The following SAMD4B variants were observed in gnomAD, a reference collection of about 807,000 sequenced individuals.
SAMD4B encodes the protein protein Smaug homolog 2.
A neutral mutation model predicts 74.5 loss-of-function variants in SAMD4B; 5 were observed. That is an observed-to-expected ratio of 0.07 (90% CI 0.04 to 0.14). SAMD4B has a LOEUF of 0.14. Ranked by LOEUF, SAMD4B falls within the 10% of genes least tolerant of loss-of-function variation. The pLI is 1.00. For missense variants in SAMD4B, 608 were observed against 921.8 expected, an observed-to-expected ratio of 0.66 and a Z score of 4.41; for synonymous variants, 373 against 374.9, an observed-to-expected ratio of 1.00 and a Z score of 0.06.
At chr19:39,358,647 C>T (rs918102751) in intron 3 of SAMD4B, among the ~76,000 whole-genome samples, 1 of 151,994 alleles carries the variant, frequency 6.6e-6, no homozygotes, top group Admixed American at 6.6e-5. Flanking sequence ...ATAATTATAT[C>T]TACCTTCTAG....
downstream of SAMD4B, chr19:39,385,726 T>C (rs1042541204): frequency 9.1e-6 from 5 of 549,562 alleles, no homozygotes; most frequent in African/African-American, 7.5e-5. Context: ...TGCTACATTT[T>C]GTGGGAAACC....
chr19:39,361,511 G>A (rs1600540847), intron 3 of SAMD4B, among the ~76,000 whole-genome samples: 1 of 152,000 alleles, frequency 6.6e-6, no homozygotes, highest in Non-Finnish European at 1.5e-5. Context: ...AGCTACTTGG[G>A]AGGCTGAGGC....
Position 39,383,443 on chromosome 19 carries a change from T to C in SAMD4B, c.2057-56T>C, listed in dbSNP as rs2078124503. 1 of 1,603,906 alleles carries C rather than the reference T, an allele frequency of 6.2e-7. No individual in the cohort carries two copies. Among genetic ancestry groups the C allele is most frequent in the Admixed American group, 1.7e-5 (1 of 60,008 alleles). ...GATGACAGGCTACCTGAGTGCCTTT[T>C]CTTGGGCCTCCCTCCAGCTCCTGAT... On this transcript the variant is annotated intron_variant, in intron 13 of 13. Transcript: ENST00000610417. This position sits in a 1 kb window ranked among gnomAD's most constrained non-coding sequence, Gnocchi z 4.1.
chr19:39,344,431 C>T (rs1416907889), intron 1 of SAMD4B, among the ~76,000 whole-genome samples: 1 of 152,142 alleles, frequency 6.6e-6, no homozygotes, highest in African/African-American at 2.4e-5. Flanking sequence ...GAAGACCACA[C>T]CTTCCTCAGA....
intron 4 of SAMD4B, among the ~76,000 whole-genome samples, chr19:39,371,394 T>C (rs543023404): frequency 4.6e-5 from 7 of 152,240 alleles, no homozygotes; most frequent in Admixed American, 1.3e-4. Flanking sequence ...CCTGGGAAGA[T>C]AGAGGGATAG....
chr19:39,389,988 G>T (rs1415670726), downstream of SAMD4B: 4 of 1,200,986 alleles, frequency 3.3e-6, no homozygotes, highest in Non-Finnish European at 1.2e-6. This position sits in a 1 kb window ranked among gnomAD's most constrained non-coding sequence, Gnocchi z 5.3. Flanking sequence ...TAGGCCCTGA[G>T]CAGACAGCAG....
At chr19:39,369,445 C>T (rs1052732883) in intron 3 of SAMD4B, 39 of 579,186 alleles carry the variant, frequency 6.7e-5, no homozygotes, top group Non-Finnish European at 1.2e-4. Context: ...GAGACCCCAT[C>T]TCTTAAAAAA....
Position 39,383,241 on chromosome 19 carries a change from A to G in SAMD4B, c.2006A>G (p.Asn669Ser), listed in dbSNP as rs548924269. The part of the protein sequence containing the change: ...CPVPGPDLEI[N>S]PTLESLCLSM... The stretch of plus-strand genomic sequence containing the variant: ...GTTCCTGGGCCTGACCTGGAGATCA[A>G]TCCCACTCTGGAGTCTCTGTGTCTG... The change falls in exon 13 of 14, where the codon AAT becomes AGT. Residue 669 changes from asparagine (N) to serine (S), a missense_variant. Physicochemically the swap from Asn to Ser is conservative, Grantham distance 46. This residue lies in a region of SAMD4B where 15 missense variants were observed against 40.5 expected (regional missense o/e 0.37). Coordinates refer to ENST00000610417, the MANE Select transcript of SAMD4B (RefSeq NM_001384574.2). The surrounding 1 kb of genome is among the most constrained non-coding windows in gnomAD (Gnocchi z 4.1). 26 of 1,613,808 alleles carry G rather than the reference A, an allele frequency of 1.6e-5. No homozygotes were observed. Among genetic ancestry groups the G allele is most frequent in the East Asian group, 2.2e-5 (1 of 44,854 alleles).
Position 39,380,749 on chromosome 19 carries a change from C to T in SAMD4B, c.1812C>T (p.Ala604=). ...TTGGGGGTGTCTCCCCTCGACATGC[C>T]CTCACCAGCCCCAGCCTTGGAGGCC... The part of the protein sequence containing the change: ...SGIGGVSPRH[A]LTSPSLGGQG... The change falls in exon 11 of 14, where the codon GCC becomes GCT. Residue 604 remains alanine (A), a synonymous_variant. Transcript: ENST00000610417. The T allele has an allele frequency of 6.3e-7, 1 of 1,582,854 alleles. No homozygotes were observed. The highest frequency in any genetic ancestry group is 8.6e-7 in the Non-Finnish European group (1 of 1,163,356).
intron 12 of SAMD4B, 63 bp downstream of exon 12, chr19:39,381,176 T>G: frequency 6.6e-7 from 1 of 1,520,306 alleles, no homozygotes; most frequent in Non-Finnish European, 8.8e-7. Flanking sequence ...TTCTTTTTTC[T>G]CCTGGGTCTC....
At chr19:39,368,895 A>AC (rs2077129238) in intron 3 of SAMD4B, among the ~76,000 whole-genome samples, 1 of 152,190 alleles carries the variant, frequency 6.6e-6, no homozygotes, top group Non-Finnish European at 1.5e-5. Context: ...GGGTGTCTAG[A>AC]CCATCTGATT....
rs965418510 is a variant in SAMD4B, at chr19:39,378,403, TGA to T, written c.1445-99_1445-98del. ...CTTAATAGTTGATATTCATCCAGCC[TGA>T]GTCTCCTGTTCCTTCTTGTGCACGA... On this transcript the variant is annotated intron_variant, in intron 8 of 13. Transcript: ENST00000610417. The surrounding 1 kb of genome is among the most constrained non-coding windows in gnomAD (Gnocchi z 4.4). 1,168 of 970,996 alleles carry T rather than the reference TGA, an allele frequency of 1.2e-3. 11 individuals carry two copies. In the African/African-American group the frequency reaches 0.016, roughly 13 times the overall value. The allele number at this position is 970,996 out of a possible 1,614,324, so 60.1% of individuals were successfully genotyped here.
At position 39,375,579 on chromosome 19, in the gene SAMD4B, A is replaced by G; in HGVS notation, c.668-71A>G. The G allele has an allele frequency of 6.4e-7, 1 of 1,552,728 alleles. No homozygotes were observed. ...GGGCCAAACTGCCATCCTGGCACTGACGGCAGGGGGATGGTCTCCTGTGGT... is the reference window on the plus strand; with the variant it reads ...GGGCCAAACTGCCATCCTGGCACTGGCGGCAGGGGGATGGTCTCCTGTGGT... On this transcript the variant is annotated intron_variant, in intron 4 of 13. Coordinates refer to ENST00000610417, the MANE Select transcript of SAMD4B (RefSeq NM_001384574.2). The surrounding 1 kb of genome is among the most constrained non-coding windows in gnomAD (Gnocchi z 4.1).
In SAMD4B at chr19:39,356,769, C is replaced by CGCCCAGA; in HGVS notation, c.-124_-118dup. 1 of 763,296 alleles carries CGCCCAGA rather than the reference C, an allele frequency of 1.3e-6. No homozygotes were observed. Among genetic ancestry groups the CGCCCAGA allele is most frequent in the Non-Finnish European group, 2.1e-6 (1 of 487,548 alleles). 47.3% of individuals were successfully genotyped at this position (763,296 alleles called of 1,614,324 possible). On this transcript the variant is annotated 5_prime_UTR_variant, in exon 3 of 14. Transcript: ENST00000610417. Reference sequence around the variant, plus strand: ...CCTCCCCCAACAACCGTTGCCACCACGCCCAGAAACGTCCTTAAGCCCTGG... The same window carrying CGCCCAGA: ...CCTCCCCCAACAACCGTTGCCACCACGCCCAGAGCCCAGAAACGTCCTTAAGCCCTGG...
chr19:39,355,443 G>T (rs572080532), intron 2 of SAMD4B, among the ~76,000 whole-genome samples: 2 of 152,318 alleles, frequency 1.3e-5, no homozygotes, highest in South Asian at 4.1e-4. Flanking sequence ...CAAGCGCACG[G>T]AAGTTCAGAG....
At chr19:39,372,373 C>T (rs2077359406) in intron 4 of SAMD4B, among the ~76,000 whole-genome samples, 2 of 152,166 alleles carry the variant, frequency 1.3e-5, no homozygotes, top group South Asian at 2.1e-4. Flanking sequence ...GCGACAGAGT[C>T]AGAGTCAGGA....
At chr19:39,380,506 G>T (rs902083909) in intron 10 of SAMD4B, 81 bp from the exon 11 acceptor site, 7 of 1,423,668 alleles carry the variant, frequency 4.9e-6, no homozygotes, top group African/African-American at 1.4e-5. Context: ...ACAACTTGGG[G>T]TTGTTGGGGA....
At chr19:39,354,848 A>G (rs937341421) in intron 2 of SAMD4B, among the ~76,000 whole-genome samples, 1 of 152,092 alleles carries the variant, frequency 6.6e-6, no homozygotes, top group Non-Finnish European at 1.5e-5. Flanking sequence ...GTAGTTCAAG[A>G]TAAGATGTTT....
At chr19:39,354,983 G>A (rs894839269) in intron 2 of SAMD4B, among the ~76,000 whole-genome samples, 7 of 151,952 alleles carry the variant, frequency 4.6e-5, no homozygotes, top group African/African-American at 1.2e-4. Context: ...AGCGATTATC[G>A]TCCCTCAGCC....
Sources: allele counts gnomAD v4.1 joint callset (sites outside exome capture counted in the v4.1 genomes callset), GRCh38; gene constraint gnomAD v4.1.1; regional missense constraint gnomAD v4.1.1; non-coding constraint Gnocchi (gnomAD v3.1); transcripts MANE v1.5; gene names NCBI Gene and HGNC (gene_info 2026-07-23, HGNC 2026-07-21).